RAPGEF6: variants seen among roughly 807,000 people sequenced by gnomAD.
The protein encoded by RAPGEF6 is PDZ domain containing guanine nucleotide exchange factor (GEF) 2.
Under a neutral mutation model 171.4 loss-of-function variants are expected in RAPGEF6, and 56 were observed. The observed-to-expected ratio is 0.33, with a 90% confidence interval of 0.26 to 0.41. RAPGEF6 has a LOEUF of 0.41. RAPGEF6 is among the 10% of genes least tolerant of loss of function. RAPGEF6 has a pLI of 1.00. For missense variants in RAPGEF6, 1,674 were observed against 1,921.4 expected, an observed-to-expected ratio of 0.87 and a Z score of 2.41; for synonymous variants, 692 against 650.1, an observed-to-expected ratio of 1.06 and a Z score of -0.98.
At chr5:131,495,405 T>C (rs1756575096) in intron 13 of RAPGEF6, 148 bp downstream of exon 13, 1 of 476,048 alleles carries the variant, frequency 2.1e-6, no homozygotes, top group Non-Finnish European at 3.7e-6. Flanking sequence ...AGAGAATAAA[T>C]GAACAAAAGT....
chr5:131,511,482 T>TTG (rs1491131518), intron 7 of RAPGEF6, among the ~76,000 whole-genome samples: 1 of 8,164 alleles, frequency 1.2e-4, no homozygotes, highest in Non-Finnish European at 4.1e-4. Flanking sequence ...AAAGATCATC[T>TTG]TTTTTTTTTT....
chr5:131,429,036 A>C lies in RAPGEF6; in HGVS notation c.4646T>G (p.Leu1549Arg), dbSNP rs1038299459. 5.0e-6 allele frequency: 8 copies of C among 1,614,072 alleles called. No homozygotes were observed. The highest frequency in any genetic ancestry group is 1.7e-5 in the Admixed American group (1 of 60,010). ...GTTGCTACTGAGAGAAGCTGGTGGC[A>C]GTCTAGAGAGGCTGTTATGCATCAT... is the stretch of plus-strand genomic sequence containing the variant. Reference protein sequence around the residue: ...SKMMHNSLSRLPPASLSSNLV... With the variant: ...SKMMHNSLSRRPPASLSSNLV... Residue 1549 changes from leucine to arginine, a missense_variant, in exon 27 of 28, where the codon CTG becomes CGG. Coordinates refer to ENST00000509018, the MANE Select transcript of RAPGEF6 (RefSeq NM_016340.6).
chr5:131,634,899 G>C, intron 1 of RAPGEF6, 63 bp downstream of exon 1: 2 of 1,576,966 alleles, frequency 1.3e-6, no homozygotes, highest in South Asian at 1.1e-5. Flanking sequence ...CGCGGATTTC[G>C]GACAGACAGG....
chr5:131,510,927 T>A (rs1446149480), intron 7 of RAPGEF6, among the ~76,000 whole-genome samples: 1 of 152,192 alleles, frequency 6.6e-6, no homozygotes, highest in African/African-American at 2.4e-5. Context: ...CACAGAGACT[T>A]AGGCTTAGTA....
intron 21 of RAPGEF6, among the ~76,000 whole-genome samples, chr5:131,449,512 A>C (rs903796106): frequency 4.6e-5 from 7 of 152,136 alleles, no homozygotes; most frequent in Admixed American, 2.0e-4. Flanking sequence ...TTATATATTT[A>C]TATGATATAT....
intron 11 of RAPGEF6, among the ~76,000 whole-genome samples, chr5:131,501,233 G>C (rs553635506): frequency 6.6e-6 from 1 of 152,160 alleles, no homozygotes; most frequent in East Asian, 1.9e-4. Context: ...CTACCTAGGA[G>C]GCTGAGGCAC....
intron 6 of RAPGEF6, 132 bp from the exon 7 acceptor site, chr5:131,521,653 C>CAAAAAGAT: frequency 2.8e-6 from 2 of 701,868 alleles, no homozygotes; most frequent in South Asian, 5.2e-5. Flanking sequence ...CTACTTTCAG[C>CAAAAAGAT]AAAAAGATCT....
intron 1 of RAPGEF6, among the ~76,000 whole-genome samples, chr5:131,610,621 G>A (rs1486141648): frequency 6.6e-6 from 1 of 152,106 alleles, no homozygotes; most frequent in African/African-American, 2.4e-5. Flanking sequence ...CAACATATAA[G>A]CCACTGAGAC....
intron 24 of RAPGEF6, chr5:131,436,414 T>A: frequency 1.3e-6 from 2 of 1,492,614 alleles, no homozygotes; most frequent in Non-Finnish European, 1.8e-6. Flanking sequence ...CCTGACATGG[T>A]CAATCACAAT....
intron 17 of RAPGEF6, chr5:131,472,066 T>C (rs1375057421): frequency 3.2e-5 from 5 of 155,210 alleles, no homozygotes; most frequent in African/African-American, 1.0e-4. Flanking sequence ...TAGTCTCTTT[T>C]TTCTTTTCTT....
chr5:131,586,833 A>G (rs1763283630), intron 4 of RAPGEF6, among the ~76,000 whole-genome samples: 1 of 152,210 alleles, frequency 6.6e-6, no homozygotes, highest in Admixed American at 6.5e-5. Flanking sequence ...TTAGTGCATC[A>G]ATTTGGAATG....
At chr5:131,452,947 G>A in intron 21 of RAPGEF6, 107 bp downstream of exon 21, 1 of 1,394,796 alleles carries the variant, frequency 7.2e-7, no homozygotes, top group Non-Finnish European at 9.5e-7. Flanking sequence ...AAAGCACTTT[G>A]TACAGCACAC....
chr5:131,435,813 A>G (rs897730286), intron 24 of RAPGEF6: 4 of 1,388,654 alleles, frequency 2.9e-6, no homozygotes, highest in Admixed American at 3.0e-5. Flanking sequence ...CTTATGTACA[A>G]ATGAGGCATT....
intron 10 of RAPGEF6, 45 bp downstream of exon 10, chr5:131,505,319 T>A: frequency 6.2e-7 from 1 of 1,600,622 alleles, no homozygotes; most frequent in Non-Finnish European, 8.5e-7. Flanking sequence ...GCTCAGCTAC[T>A]TTAAACCAAC....
intron 4 of RAPGEF6, among the ~76,000 whole-genome samples, chr5:131,580,465 C>T (rs971294458): frequency 2.0e-5 from 3 of 152,112 alleles, no homozygotes; most frequent in Non-Finnish European, 4.4e-5. Flanking sequence ...CCTCAGCCAG[C>T]CCTGAGAGGG....
At chr5:131,591,336 C>T (rs548860414) in intron 4 of RAPGEF6, among the ~76,000 whole-genome samples, 18 of 152,312 alleles carry the variant, frequency 1.2e-4, no homozygotes, top group Admixed American at 2.0e-4. Context: ...CCACAACTGA[C>T]CTTCTTTCTA....
At chr5:131,566,158 A>G (rs1300771184) in intron 4 of RAPGEF6, among the ~76,000 whole-genome samples, 1 of 143,984 alleles carries the variant, frequency 6.9e-6, no homozygotes, top group Non-Finnish European at 1.5e-5. Flanking sequence ...ATAAAGAAAG[A>G]AAAAAAAAAA....
intron 17 of RAPGEF6, chr5:131,469,782 C>T (rs56228197): frequency 0.21 from 309,329 of 1,475,542 alleles, 35,686 homozygotes; most frequent in East Asian, 0.49. Flanking sequence ...TAGAATACTA[C>T]AGTCTTTAAG....
At chr5:131,469,558 C>CA (rs1176305073) in intron 17 of RAPGEF6, among the ~76,000 whole-genome samples, 1 of 151,890 alleles carries the variant, frequency 6.6e-6, no homozygotes, top group East Asian at 1.9e-4. Context: ...TCAGAAATCC[C>CA]AAAGAACATT....
Sources: gnomAD v4.1 joint callset for allele counts (sites outside exome capture counted in the v4.1 genomes callset) on GRCh38, gnomAD v4.1.1 for gene constraint, MANE v1.5 for transcripts, NCBI Gene and HGNC (gene_info 2026-07-23, HGNC 2026-07-21) for gene names.